Variants in ANK3 observed in about 807,000 individuals in gnomAD.
ANK3 encodes the protein ankyrin 3, also known as ankyrin-3.
Under a neutral mutation model 370.9 loss-of-function variants are expected in ANK3, and 57 were observed. The ratio of observed to expected loss-of-function variants is 0.15; its 90% CI spans 0.12 to 0.19. The LOEUF is 0.19. Ranked by LOEUF, ANK3 falls within the 10% of genes least tolerant of loss-of-function variation. ANK3 has a pLI of 1.00. For synonymous variants in ANK3, 1,929 were observed against 1,946.3 expected (o/e 0.99, Z 0.23); for missense variants, 4,439 against 5,302.1 (o/e 0.84, Z 5.06).
At chr10:60,289,732 G>C (rs1280775089) in intron 1 of ANK3, among the ~76,000 whole-genome samples, 1 of 152,136 alleles carries the variant, frequency 6.6e-6, no homozygotes, top group African/African-American at 2.4e-5. Flanking sequence ...AAGATGAGAG[G>C]CTTTGCTTGG....
intron 4 of ANK3, among the ~76,000 whole-genome samples, chr10:60,277,001 G>A (rs1244660504): frequency 6.6e-6 from 1 of 152,186 alleles, no homozygotes; most frequent in African/African-American, 2.4e-5. Context: ...TTCTGGAAAA[G>A]CATTATTACT....
chr10:60,711,175 GA>G (rs1044612811), intron 1 of ANK3, among the ~76,000 whole-genome samples: 1 of 152,126 alleles, frequency 6.6e-6, no homozygotes, highest in African/African-American at 2.4e-5. Flanking sequence ...TGTAAGCAGA[GA>G]GATGTAAACT....
rs767030012 is a variant in ANK3, at chr10:60,139,002, C to T, written c.2700G>A (p.Glu900=). 6.2e-7 allele frequency: 1 copy of T among 1,613,894 alleles called. No homozygotes were observed. The highest frequency in any genetic ancestry group is 8.5e-7 in the Non-Finnish European group (1 of 1,179,890). ...CTCCGAGACTAAAGCCCATGTAACC[C>T]TCTGCAGGCAGGGAATCATCACCCA... The part of the protein sequence containing the change: ...KELGDDSLPA[E]GYMGFSLGAR... The change falls in exon 24 of 44, where the codon GAG becomes GAA. Residue 900 remains glutamate, a synonymous_variant. Coordinates refer to ENST00000280772, the MANE Select transcript of ANK3 (RefSeq NM_020987.5).
intron 1 of ANK3, among the ~76,000 whole-genome samples, chr10:60,721,480 A>T (rs1269873226): frequency 6.6e-6 from 1 of 152,234 alleles, no homozygotes; most frequent in Non-Finnish European, 1.5e-5. Context: ...ACAACCCCCT[A>T]AGACGTTTGG....
chr10:60,428,188 G>A (rs2063932139), intron 2 of ANK3, among the ~76,000 whole-genome samples: 1 of 152,092 alleles, frequency 6.6e-6, no homozygotes, highest in Non-Finnish European at 1.5e-5. Context: ...GACCTGTATG[G>A]GTCATCACTG....
Position 60,043,639 on chromosome 10 carries a change from G to A in ANK3, c.13066-880C>T, listed in dbSNP as rs555253362. The A allele has an allele frequency of 2.4e-5, 24 of 985,430 alleles. No homozygotes were observed. The East Asian group carries it at 5.7e-4, about 23-fold the overall frequency. The allele number at this position is 985,430 out of a possible 1,614,324, so 61.0% of individuals were successfully genotyped here. On this transcript the variant is annotated intron_variant, in intron 42 of 43. Coordinates refer to ENST00000280772, the MANE Select transcript of ANK3 (RefSeq NM_020987.5). ...CTGGAAAGAGAAAATGTATGGATCC[G>A]ATGTGCAGATCTTGAACTGAGCCTT...
intron 1 of ANK3, among the ~76,000 whole-genome samples, chr10:60,329,320 G>A (rs1179475472): frequency 6.6e-6 from 1 of 152,062 alleles, no homozygotes; most frequent in Non-Finnish European, 1.5e-5. Context: ...AGGTATTCAA[G>A]TAGGAAGAGA....
intron 2 of ANK3, among the ~76,000 whole-genome samples, chr10:60,479,906 G>A (rs1042495795): frequency 6.6e-6 from 1 of 152,136 alleles, no homozygotes; most frequent in Non-Finnish European, 1.5e-5. Flanking sequence ...TCTCCTTATA[G>A]ATTACTTGAG....
At chr10:60,497,517 C>T (rs2075689145) in intron 2 of ANK3, among the ~76,000 whole-genome samples, 1 of 152,114 alleles carries the variant, frequency 6.6e-6, no homozygotes, top group Admixed American at 6.6e-5. Flanking sequence ...TAAAAATGCA[C>T]AAAGCAAAAT....
intron 18 of ANK3, among the ~76,000 whole-genome samples, chr10:60,176,965 A>G (rs2095981530): frequency 6.9e-6 from 1 of 143,958 alleles, no homozygotes; most frequent in Non-Finnish European, 1.5e-5. Flanking sequence ...AACTTCTTGG[A>G]AAAAAAAATA....
rs183330533 is a variant in ANK3, at chr10:60,072,700, G to A, written c.8181C>T (p.His2727=). The change falls in exon 37 of 44, where the codon CAC becomes CAT. Residue 2727 remains histidine (H), a synonymous_variant. Transcript: ENST00000280772. Reference sequence around the variant, plus strand: ...CTTGAGACATGTCCTTACTTTTTGCGTGTGTGCCTTGTTCAAATTTTAATC... The same window carrying A: ...CTTGAGACATGTCCTTACTTTTTGCATGTGTGCCTTGTTCAAATTTTAATC... ...SIRLKFEQGT[H]AKSKDMSQED... 46 of 1,613,302 alleles carry A rather than the reference G, an allele frequency of 2.9e-5. No homozygotes were observed. The highest frequency in any genetic ancestry group is 8.4e-5 in the Admixed American group (5 of 59,860).
At position 60,337,440 on chromosome 10, in the gene ANK3, A is replaced by G. The variant is rs938884218; in HGVS notation, c.114+51985T>C. Among the ~76,000 whole-genome samples, 4 of 151,658 alleles carry G rather than the reference A, an allele frequency of 2.6e-5. No individual in the cohort carries two copies. In the East Asian group the frequency reaches 5.8e-4, roughly 22 times the overall value. On this transcript the variant is annotated intron_variant, in intron 1 of 43. Transcript: ENST00000280772. Reference sequence around the variant, plus strand: ...CCTCCAAACATCACATTTTCCCACCATTTCTCCTTTCTCTTTTCAATCCCA... The same window carrying G: ...CCTCCAAACATCACATTTTCCCACCGTTTCTCCTTTCTCTTTTCAATCCCA...
intron 9 of ANK3, among the ~76,000 whole-genome samples, chr10:60,210,146 G>T (rs1044708520): frequency 6.6e-6 from 1 of 152,154 alleles, no homozygotes; most frequent in Non-Finnish European, 1.5e-5. Flanking sequence ...TGTGTTCTGC[G>T]CATGAAAATA....
At chr10:60,659,832 G>A (rs887571179) in intron 1 of ANK3, among the ~76,000 whole-genome samples, 1 of 152,004 alleles carries the variant, frequency 6.6e-6, no homozygotes, top group Non-Finnish European at 1.5e-5. Flanking sequence ...AATGGGACAA[G>A]GTATATAAAG....
At chr10:60,455,754 T>C (rs2064731233) in intron 2 of ANK3, among the ~76,000 whole-genome samples, 1 of 152,164 alleles carries the variant, frequency 6.6e-6, no homozygotes, top group Non-Finnish European at 1.5e-5. Context: ...ATAGGAGGCT[T>C]TGACCATTTT....
chr10:60,506,222 A>G (rs1234924532), intron 2 of ANK3, among the ~76,000 whole-genome samples: 1 of 152,132 alleles, frequency 6.6e-6, no homozygotes, highest in South Asian at 2.1e-4. Flanking sequence ...CTGTTCTTCT[A>G]TAACAGCTAT....
chr10:60,136,188 G>A (rs2094334265), intron 24 of ANK3, among the ~76,000 whole-genome samples: 1 of 151,926 alleles, frequency 6.6e-6, no homozygotes, highest in African/African-American at 2.4e-5. Context: ...CTAAGAGCAG[G>A]AATTCTCTAA....
At chr10:60,386,417 G>A (rs566141341) in intron 1 of ANK3, among the ~76,000 whole-genome samples, 20 of 151,750 alleles carry the variant, frequency 1.3e-4, no homozygotes, top group Admixed American at 3.3e-4. Flanking sequence ...CCACCTAGAC[G>A]CATTTCCTTT....
chr10:60,707,288 C>G (rs1352458225), intron 1 of ANK3, among the ~76,000 whole-genome samples: 1 of 152,024 alleles, frequency 6.6e-6, no homozygotes, highest in African/African-American at 2.4e-5. Context: ...AATATGAAAC[C>G]TTACATCAAA....
Sources: allele counts gnomAD v4.1 joint callset (sites outside exome capture counted in the v4.1 genomes callset), GRCh38; gene constraint gnomAD v4.1.1; transcripts MANE v1.5; gene names NCBI Gene and HGNC (gene_info 2026-07-23, HGNC 2026-07-21).